Variants in ZNF705B observed in about 807,000 individuals in gnomAD.
ZNF705B encodes the protein zinc finger protein 705B, also known as Putative zinc finger protein 705D-like protein LOC100132396.
In ZNF705B, 1 loss-of-function variant was observed where a neutral mutation model predicts 10.5. The observed-to-expected ratio is 0.10, with a 90% CI of 0.03 to 0.45. The LOEUF (loss-of-function observed/expected upper bound fraction) is 0.45, where lower values mean the gene tolerates loss of function less well. ZNF705B is among the 20% of genes least tolerant of loss of function. The probability of loss-of-function intolerance (pLI) is 0.97; values close to 1 mark genes in which losing one functional copy is unlikely to be tolerated. For missense variants in ZNF705B, 14 were observed against 84.0 expected (o/e 0.17, Z 3.26); for synonymous variants, 4 against 25.4 (o/e 0.16, Z 2.53).
chr8:7,941,211 G>A (rs1344386505), intron 2 of ZNF705B, among the ~76,000 whole-genome samples: 1 of 145,370 alleles, frequency 6.9e-6, no homozygotes, highest in African/African-American at 2.5e-5. Flanking sequence ...ACCCAGTAAT[G>A]GGATTGCTGG....
intron 2 of ZNF705B, chr8:7,934,686 GTGTGTC>G: frequency 1.1e-5 from 1 of 87,486 alleles, no homozygotes; most frequent in Non-Finnish European, 2.0e-5. Context: ...GGATTTGTGT[GTGTGTC>G]TGTGTGTGTG....
At chr8:7,931,433 G>C (rs1368720884) in intron 2 of ZNF705B, among the ~76,000 whole-genome samples, 1 of 121,586 alleles carries the variant, frequency 8.2e-6, no homozygotes, top group African/African-American at 2.5e-5. Context: ...ATGGTGATAG[G>C]TATGGTGGAT....
rs544727935 is a variant in ZNF705B, at chr8:7,936,524, C to T, written c.-72+6088C>T. 2.7e-4 allele frequency among the ~76,000 whole-genome samples: 32 copies of T among 119,596 alleles called. 6 individuals carry two copies. In the South Asian group the frequency reaches 2.8e-3, roughly 11 times the overall value. The allele number at this position is 119,596 out of a possible 152,430, so 78.5% of individuals were successfully genotyped here. ...AAGAAAATGTAGTACATATATGTCA[C>T]GGAATACTATGCATCCATAAAAAGA... is the stretch of plus-strand genomic sequence containing the variant. On this transcript the variant is annotated intron_variant, in intron 2 of 6. Transcript: ENST00000400120.
chr8:7,926,701 G>T (rs1182093848), intron 1 of ZNF705B, among the ~76,000 whole-genome samples: 1 of 111,344 alleles, frequency 9.0e-6, no homozygotes, highest in East Asian at 2.5e-4. Context: ...TACCCACTTG[G>T]CCCACCATGA....
rs75408319 is a variant in ZNF705B, at chr8:7,936,765, T to C, written c.-72+6329T>C. Among the ~76,000 whole-genome samples, 256 of 120,222 alleles carry C rather than the reference T, an allele frequency of 2.1e-3. 43 individuals carry two copies. The highest frequency in any genetic ancestry group is 3.4e-3 in the Non-Finnish European group (170 of 50,340). 78.9% of individuals were successfully genotyped at this position (120,222 alleles called of 152,430 possible). On this transcript the variant is annotated intron_variant, in intron 2 of 6. Coordinates refer to ENST00000400120, the MANE Select transcript of ZNF705B (RefSeq NM_001193630.1). ...AAAGTCTGAAAAGCTACTCTTTGGG[T>C]ACACCCTACCTGTGTGACAGAGTTA...
intron 2 of ZNF705B, among the ~76,000 whole-genome samples, chr8:7,935,284 G>A (rs1395799796): frequency 7.1e-6 from 1 of 141,810 alleles, no homozygotes; most frequent in East Asian, 2.1e-4. Context: ...CATATATTAA[G>A]AGTGAAACAT....
intron 1 of ZNF705B, among the ~76,000 whole-genome samples, chr8:7,929,415 G>A (rs145631082): frequency 0.082 from 9,736 of 118,898 alleles, 1,058 homozygotes; most frequent in African/African-American, 0.18. Flanking sequence ...TGAAATGAAT[G>A]AGGATAAATG....
intron 2 of ZNF705B, among the ~76,000 whole-genome samples, chr8:7,940,219 C>T (rs1223298971): frequency 6.8e-6 from 1 of 146,106 alleles, no homozygotes; most frequent in African/African-American, 2.5e-5. Context: ...GGAACATCTA[C>T]CCCTCCTTTT....
At chr8:7,934,716 G>GTA (rs1199591769) in intron 2 of ZNF705B, 1 of 115,864 alleles carries the variant, frequency 8.6e-6, no homozygotes, top group African/African-American at 5.3e-5. Context: ...GTGTGTGTGT[G>GTA]TGTGTTATTT....
chr8:7,938,412 CA>C (rs1820072496), intron 2 of ZNF705B, among the ~76,000 whole-genome samples: 1 of 123,428 alleles, frequency 8.1e-6, no homozygotes, highest in Non-Finnish European at 1.8e-5. Flanking sequence ...GCTTTGGAGA[CA>C]AAAATTTAGT....
intron 2 of ZNF705B, among the ~76,000 whole-genome samples, chr8:7,935,426 A>G (rs1380003171): frequency 2.8e-5 from 4 of 143,920 alleles, no homozygotes; most frequent in Non-Finnish European, 4.7e-5. Context: ...AAAGTGTTTT[A>G]ATTCTGAGCA....
At chr8:7,941,063 C>G (rs1378846559) in intron 2 of ZNF705B, among the ~76,000 whole-genome samples, 11 of 149,396 alleles carry the variant, frequency 7.4e-5, no homozygotes, top group Non-Finnish European at 1.5e-4. Context: ...TGTATACGTA[C>G]CACATTTTCT....
intron 2 of ZNF705B, among the ~76,000 whole-genome samples, chr8:7,935,379 T>C (rs1412941163): frequency 6.8e-6 from 1 of 147,570 alleles, no homozygotes; most frequent in African/African-American, 2.4e-5. Context: ...ATCACTGCTC[T>C]GGGGATAGGC....
intron 1 of ZNF705B, among the ~76,000 whole-genome samples, chr8:7,928,811 C>T (rs1366287488): frequency 3.1e-5 from 3 of 98,340 alleles, no homozygotes; most frequent in African/African-American, 5.6e-5. Context: ...TTTCCATTTA[C>T]AGAATTTCTT....
rs545771702 is a variant in ZNF705B at position 7,941,238 on chromosome 8, G to T, written c.-71-6113G>T. On this transcript the variant is annotated intron_variant, in intron 2 of 6. Coordinates refer to ENST00000400120, the MANE Select transcript of ZNF705B (RefSeq NM_001193630.1). ...GATTGCTGGGTCAAGCGGTATTTCTGGTTGTAGGTCTTTGAGGAATCACCA... is the reference window on the plus strand; with the variant it reads ...GATTGCTGGGTCAAGCGGTATTTCTTGTTGTAGGTCTTTGAGGAATCACCA... Among the ~76,000 whole-genome samples the T allele has an allele frequency of 9.8e-4, 142 of 145,048 alleles. 3 individuals carry two copies. The highest frequency in any genetic ancestry group is 3.4e-3 in the African/African-American group (137 of 39,958).
chr8:7,929,285 G>C (rs1819778238), intron 1 of ZNF705B, among the ~76,000 whole-genome samples: 1 of 121,524 alleles, frequency 8.2e-6, no homozygotes, highest in African/African-American at 2.5e-5. Flanking sequence ...TTTTAAAATA[G>C]CTGCCCTTAC....
Position 7,931,104 on chromosome 8 carries a change from C to T in ZNF705B, c.-72+668C>T, listed in dbSNP as rs577281692. 5.0e-4 allele frequency among the ~76,000 whole-genome samples: 60 copies of T among 120,922 alleles called. 4 individuals carry two copies. The highest frequency in any genetic ancestry group is 1.4e-3 in the Admixed American group (15 of 10,648). The allele number at this position is 120,922 out of a possible 152,430, so 79.3% of individuals were successfully genotyped here. A position where few individuals can be genotyped will look rare whatever the true frequency, so the allele number is the denominator to read the frequency against. ...CCGACCTCGGGTGATCTGCCCCCCT[C>T]AGCCTTCCAAAGTGCTAGGATTACA... On this transcript the variant is annotated intron_variant, in intron 2 of 6. Coordinates refer to ENST00000400120, the MANE Select transcript of ZNF705B (RefSeq NM_001193630.1).
chr8:7,935,520 C>G (rs1451124551), intron 2 of ZNF705B, among the ~76,000 whole-genome samples: 17 of 110,794 alleles, frequency 1.5e-4, no homozygotes, highest in African/African-American at 4.5e-4. Context: ...TTTTTTTTTT[C>G]TATTCTGGAA....
At chr8:7,936,360 A>G (rs1469453611) in intron 2 of ZNF705B, among the ~76,000 whole-genome samples, 1 of 119,290 alleles carries the variant, frequency 8.4e-6, no homozygotes, top group East Asian at 2.4e-4. Flanking sequence ...TGACCCAGTA[A>G]TCTCACTACT....
Sources: allele counts gnomAD v4.1 joint callset (sites outside exome capture counted in the v4.1 genomes callset), GRCh38; gene constraint gnomAD v4.1.1; transcripts MANE v1.5; gene names NCBI Gene and HGNC (gene_info 2026-07-23, HGNC 2026-07-21).